ZNF83: variants seen among roughly 807,000 people sequenced by gnomAD.
ZNF83 encodes the protein zinc finger protein 83, also known as zinc finger protein 816B.
For synonymous variants in ZNF83, 209 were observed against 213.0 expected (o/e 0.98, Z 0.17); for missense variants, 552 against 629.9 (o/e 0.88, Z 1.32).
chr19:52,672,226 T>G (rs539139815), intron 1 of ZNF83, among the ~76,000 whole-genome samples: 349 of 152,226 alleles, frequency 2.3e-3, no homozygotes, highest in Non-Finnish European at 3.6e-3. Flanking sequence ...AGAGTGAGAT[T>G]CTGTCTCAAA....
At chr19:52,683,546 C>G (rs968588430) in intron 1 of ZNF83, among the ~76,000 whole-genome samples, 2 of 142,434 alleles carry the variant, frequency 1.4e-5, no homozygotes, top group African/African-American at 5.5e-5. Flanking sequence ...AGTCCCTGCC[C>G]ATAATGGCCA....
At chr19:52,637,531 TTTTTC>T (rs1329151207) in intron 1 of ZNF83, among the ~76,000 whole-genome samples, 3 of 152,208 alleles carry the variant, frequency 2.0e-5, no homozygotes, top group African/African-American at 7.2e-5. Flanking sequence ...GCTTTCTTTT[TTTTTC>T]TTTTCACTTT....
chr19:52,680,126 A>G (rs1435625196), intron 1 of ZNF83, among the ~76,000 whole-genome samples: 3 of 152,116 alleles, frequency 2.0e-5, no homozygotes, highest in East Asian at 3.9e-4. Flanking sequence ...TTGTGGTAAG[A>G]AGAGATCACA....
chr19:52,674,015 CA>C (rs67570337), intron 1 of ZNF83, among the ~76,000 whole-genome samples: 14,309 of 72,848 alleles, frequency 0.2, 465 homozygotes, highest in African/African-American at 0.23. Context: ...GACTCCATCT[CA>C]AAAAAAAAAA....
At chr19:52,660,118 CCATGGTGGTAAGAAT>C (rs55888416) in intron 2 of ZNF83, among the ~76,000 whole-genome samples, 49,615 of 151,814 alleles carry the variant, frequency 0.33, 8,622 homozygotes, top group East Asian at 0.56. Context: ...GGTGGTAAGA[CCATGGTGGTAAGAAT>C]CATGGTGGTA....
rs183902121 is a variant in ZNF83, at chr19:52,616,389, A to T, written c.-233-1592T>A. On this transcript the variant is annotated intron_variant, in intron 2 of 2. Coordinates refer to ENST00000301096, the Ensembl canonical transcript of ZNF83. ...CCATTACTGGGTATATACCCAAAGG[A>T]TTATAAATCATTTTACTATAAAGGC... 3.3e-4 allele frequency among the ~76,000 whole-genome samples: 51 copies of T among 152,308 alleles called. No individual in the cohort carries two copies. In the East Asian group the frequency reaches 8.3e-3, roughly 25 times the overall value.
At chr19:52,683,827 C>A (rs1396694277) in intron 1 of ZNF83, among the ~76,000 whole-genome samples, 1 of 152,158 alleles carries the variant, frequency 6.6e-6, no homozygotes, top group African/African-American at 2.4e-5. Context: ...CCGAGGACAC[C>A]TCAGCATCTA....
intron 1 of ZNF83, among the ~76,000 whole-genome samples, chr19:52,676,153 G>A (rs891338099): frequency 2.6e-5 from 4 of 152,174 alleles, no homozygotes; most frequent in African/African-American, 7.2e-5. Context: ...ACTGGTTTTC[G>A]TATTTTTTTG....
intron 1 of ZNF83, among the ~76,000 whole-genome samples, chr19:52,674,805 A>G (rs2061776396): frequency 6.6e-6 from 1 of 152,258 alleles, no homozygotes; most frequent in South Asian, 2.1e-4. Context: ...GGAAAACTTA[A>G]TCTCGTTAAA....
intron 2 of ZNF83, among the ~76,000 whole-genome samples, chr19:52,632,986 C>T (rs1382063817): frequency 3.3e-5 from 5 of 152,068 alleles, no homozygotes; most frequent in African/African-American, 9.7e-5. Flanking sequence ...AAATTTTCAC[C>T]GTCCCAACAC....
At chr19:52,665,911 C>A (rs968915745) in intron 1 of ZNF83, among the ~76,000 whole-genome samples, 5 of 151,910 alleles carry the variant, frequency 3.3e-5, no homozygotes, top group African/African-American at 1.2e-4. Flanking sequence ...CTGTAATCCC[C>A]CCACTTTGGG....
intron 3 of ZNF83, chr19:52,650,461 G>A (rs2061428782): frequency 6.6e-6 from 1 of 152,014 alleles, no homozygotes; most frequent in Non-Finnish European, 1.5e-5. Flanking sequence ...TTCTCCATGT[G>A]GGTCAGGCTG....
At chr19:52,654,330 C>A in intron 3 of ZNF83, 1 of 1,419,840 alleles carries the variant, frequency 7.0e-7, no homozygotes, top group South Asian at 1.2e-5. Flanking sequence ...TTTGCAATGT[C>A]CCTGTGTGGA....
At chr19:52,660,447 T>C (rs1446795534) in intron 2 of ZNF83, among the ~76,000 whole-genome samples, 1 of 152,046 alleles carries the variant, frequency 6.6e-6, no homozygotes, top group Non-Finnish European at 1.5e-5. Flanking sequence ...GGTGAAATCC[T>C]GTCTCTATTA....
chr19:52,617,345 A>T (rs2147070951), intron 2 of ZNF83: 1 of 152,398 alleles, frequency 6.6e-6, no homozygotes, highest in African/African-American at 2.4e-5. Context: ...CCTACAGATA[A>T]GCAAGTGTCT....
exon 3 of ZNF83, chr19:52,613,464 A>G: frequency 6.2e-7 from 1 of 1,614,040 alleles, no homozygotes; most frequent in Non-Finnish European, 8.5e-7. Context: ...TCTCACCGGC[A>G]TGAATTATCA....
At chr19:52,617,500 G>C (rs1018841423) in intron 2 of ZNF83, 3 of 152,388 alleles carry the variant, frequency 2.0e-5, no homozygotes, top group Middle Eastern at 6.8e-3. Context: ...GGAGGCCCAG[G>C]CAGGTGGATC....
chr19:52,627,153 G>GTAAC (rs1351807526), intron 2 of ZNF83, among the ~76,000 whole-genome samples: 2 of 151,958 alleles, frequency 1.3e-5, no homozygotes, highest in South Asian at 4.1e-4. Context: ...ACCTTTAACT[G>GTAAC]TAACTATCCA....
chr19:52,634,682 G>A (rs1040042915), intron 2 of ZNF83, among the ~76,000 whole-genome samples: 6 of 152,042 alleles, frequency 3.9e-5, no homozygotes, highest in African/African-American at 1.4e-4. Context: ...CACATACTTC[G>A]TGGACATTAA....
Sources: gnomAD v4.1 joint callset for allele counts (sites outside exome capture counted in the v4.1 genomes callset) on GRCh38, gnomAD v4.1.1 for gene constraint, MANE v1.5 for transcripts, NCBI Gene and HGNC (gene_info 2026-07-23, HGNC 2026-07-21) for gene names.